The following PANK2 variants were observed in gnomAD, a reference collection of about 807,000 sequenced individuals.
PANK2 encodes pantothenate kinase 2, mitochondrial.
Under a neutral mutation model 43.1 loss-of-function variants are expected in PANK2, and 36 were observed. That is an observed-to-expected ratio of 0.84 (90% CI 0.64 to 1.10). The LOEUF is 1.10. Among genes scored for constraint, PANK2 ranks in the 50% least tolerant of loss-of-function variants. The pLI is 0.00. For missense variants in PANK2, 576 were observed against 593.3 expected, an observed-to-expected ratio of 0.97 and a Z score of 0.30; for synonymous variants, 281 against 238.2, an observed-to-expected ratio of 1.18 and a Z score of -1.66.
At chr20:3,906,334 G>A (rs2090386153) in intron 1 of PANK2, among the ~76,000 whole-genome samples, 1 of 152,118 alleles carries the variant, frequency 6.6e-6, no homozygotes, top group South Asian at 2.1e-4. Flanking sequence ...TGAGATAGGA[G>A]GATTACTTGA....
intron 6 of PANK2, among the ~76,000 whole-genome samples, chr20:3,922,736 G>T (rs1367702545): frequency 1.3e-5 from 2 of 151,964 alleles, no homozygotes; most frequent in African/African-American, 2.4e-5. Context: ...CTCTGTTAGG[G>T]GTGAATCTTG....
Position 3,926,646 on chromosome 20 carries a change from T to G in PANK2, c.*3352T>G, listed in dbSNP as rs1015667141. The G allele has an allele frequency of 2.0e-5, 3 of 152,464 alleles. No homozygotes were observed. Among genetic ancestry groups the G allele is most frequent in the Non-Finnish European group, 4.4e-5 (3 of 68,332 alleles). The allele number at this position is 152,464 out of a possible 1,614,324, so 9.4% of individuals were successfully genotyped here. On this transcript the variant is annotated 3_prime_UTR_variant, in exon 7 of 7. Transcript: ENST00000610179. ...TGGCCTGTGGAGGAAACAGGCTCAGTTCCACTACTTTGGCCAGGTGCAATG... is the reference window on the plus strand; with the variant it reads ...TGGCCTGTGGAGGAAACAGGCTCAGGTCCACTACTTTGGCCAGGTGCAATG...
chr20:3,908,618 T>C (rs2090424352), intron 2 of PANK2: 1 of 256,072 alleles, frequency 3.9e-6, no homozygotes, highest in South Asian at 4.9e-5. Flanking sequence ...TCATTTCATG[T>C]CATAAAATTG....
intron 1 of PANK2, among the ~76,000 whole-genome samples, chr20:3,901,796 T>G (rs1309348971): frequency 1.3e-5 from 2 of 152,084 alleles, no homozygotes; most frequent in Non-Finnish European, 2.9e-5. Context: ...CCCTTACATA[T>G]GTGAAAATTG....
chr20:3,917,522 C>T (rs766345821), intron 5 of PANK2: 2 of 534,582 alleles, frequency 3.7e-6, no homozygotes, highest in East Asian at 1.1e-4. Flanking sequence ...TACAGTGCTG[C>T]CTTGTAGCAT....
intron 6 of PANK2, among the ~76,000 whole-genome samples, chr20:3,922,439 G>A (rs1390964964): frequency 1.3e-5 from 2 of 152,174 alleles, no homozygotes; most frequent in Non-Finnish European, 2.9e-5. Context: ...GTCTCAGGAG[G>A]GCTGAGGGCT....
rs539486073 is a variant in PANK2, at chr20:3,907,644, G to T, written c.299-282G>T. ...GTTGAGGCTTACGAGTAGTCATCTT[G>T]TTATTTTTAAAACACTTCATAGTGC... On this transcript the variant is annotated intron_variant, in intron 1 of 6. Coordinates refer to ENST00000610179, the MANE Select transcript of PANK2 (RefSeq NM_001386393.1). Among the ~76,000 whole-genome samples the T allele has an allele frequency of 9.2e-5, 14 of 152,110 alleles. No homozygotes were observed. In the South Asian group the frequency reaches 1.7e-3, roughly 18 times the overall value.
chr20:3,910,774 G>T lies in PANK2; in HGVS notation c.849G>T (p.Gly283=), dbSNP rs760020220. Residue 283 remains glycine, a synonymous_variant, in exon 3 of 7, where the codon GGG becomes GGT. Coordinates refer to ENST00000610179, the MANE Select transcript of PANK2 (RefSeq NM_001386393.1). ...TGCTTCTGGTGAACATTGGCTCAGGGGTTAGCATCTTAGCAGTATATTCCA... is the reference window on the plus strand; with the variant it reads ...TGCTTCTGGTGAACATTGGCTCAGGTGTTAGCATCTTAGCAGTATATTCCA... The T allele has an allele frequency of 6.2e-7, 1 of 1,614,112 alleles. No individual in the cohort carries two copies.
chr20:3,902,972 G>GACACACACACACACACACACACACAC lies in PANK2; in HGVS notation c.299-4933_299-4908dup, dbSNP rs11468265. ...CCATGAGTTTCGACAGATGTGTATA[G>GACACACACACACACACACACACACAC]ACACACACACACACACACACACACA... On this transcript the variant is annotated intron_variant, in intron 1 of 6. Transcript: ENST00000610179. 9.5e-4 allele frequency among the ~76,000 whole-genome samples: 135 copies of GACACACACACACACACACACACACAC among 141,428 alleles called. 1 individual carries two copies. The highest frequency in any genetic ancestry group is 6.9e-3 in the Middle Eastern group (2 of 288). 92.8% of individuals were successfully genotyped at this position (141,428 alleles called of 152,430 possible).
chr20:3,912,351 A>G (rs1436754824), intron 3 of PANK2, 107 bp from the exon 4 acceptor site: 4 of 1,226,254 alleles, frequency 3.3e-6, no homozygotes, highest in Non-Finnish European at 4.8e-6. Flanking sequence ...TGGCATTTGC[A>G]TGATTGGGTT....
chr20:3,921,471 T>G (rs757619544), intron 6 of PANK2: 1 of 151,672 alleles, frequency 6.6e-6, no homozygotes, highest in Non-Finnish European at 1.5e-5. Flanking sequence ...TAGTCTTCAG[T>G]GGACCCCCCC....
chr20:3,896,645 A>G (rs986332729), intron 1 of PANK2, among the ~76,000 whole-genome samples: 1 of 152,064 alleles, frequency 6.6e-6, no homozygotes, highest in East Asian at 1.9e-4. Flanking sequence ...ACCAGTGGAC[A>G]GTGATTTAAT....
chr20:3,919,481 T>C lies in PANK2; in HGVS notation c.1332+685T>C, dbSNP rs375010242. 1.2e-4 allele frequency among the ~76,000 whole-genome samples: 18 copies of C among 152,320 alleles called. No homozygotes were observed. The South Asian group carries it at 3.3e-3, about 28-fold the overall frequency. On this transcript the variant is annotated intron_variant, in intron 6 of 6. Transcript: ENST00000610179. ...ATTGTTGTAATTCTTGTGCCAGTTA[T>C]TTAAGATGCATGTTGTAAAAATGAA...
At chr20:3,912,157 G>A (rs959972958) in intron 3 of PANK2, among the ~76,000 whole-genome samples, 1 of 152,164 alleles carries the variant, frequency 6.6e-6, no homozygotes, top group Non-Finnish European at 1.5e-5. Context: ...GGGAGGAGGT[G>A]TTAGCATGGC....
At chr20:3,898,325 G>T (rs1004890126) in intron 1 of PANK2, among the ~76,000 whole-genome samples, 48 of 152,084 alleles carry the variant, frequency 3.2e-4, no homozygotes, top group Admixed American at 1.1e-3. Flanking sequence ...TCAGCCTCCT[G>T]ATTATCTGGG....
At position 3,925,255 on chromosome 20, in the gene PANK2, G is replaced by A. The variant is rs1349971928; in HGVS notation, c.*1961G>A. 6.6e-6 allele frequency: 1 copy of A among 152,454 alleles called. No individual in the cohort carries two copies. The allele number at this position is 152,454 out of a possible 1,614,324, so 9.4% of individuals were successfully genotyped here. On this transcript the variant is annotated 3_prime_UTR_variant, in exon 7 of 7. Coordinates refer to ENST00000610179, the MANE Select transcript of PANK2 (RefSeq NM_001386393.1). Reference sequence around the variant, plus strand: ...CCTGTCACTCCACAGCAGGGTTTTTGAGACAGTCTCGCTGTGTCACCCAGG... The same window carrying A: ...CCTGTCACTCCACAGCAGGGTTTTTAAGACAGTCTCGCTGTGTCACCCAGG...
chr20:3,918,543 C>T lies in PANK2; in HGVS notation c.1207-128C>T, dbSNP rs2090598283. The T allele has an allele frequency of 7.7e-6, 10 of 1,300,744 alleles. No homozygotes were observed. In the South Asian group the frequency reaches 1.2e-4, roughly 16 times the overall value. The allele number at this position is 1,300,744 out of a possible 1,614,324, so 80.6% of individuals were successfully genotyped here. A position where few individuals can be genotyped will look rare whatever the true frequency, so the allele number is the denominator to read the frequency against. On this transcript the variant is annotated intron_variant, in intron 5 of 6. Coordinates refer to ENST00000610179, the MANE Select transcript of PANK2 (RefSeq NM_001386393.1). ...TCAAGTTTAAGTAGCCCTGGACCAA[C>T]TGGACTAAATTTGATCAGCAGTCAA...
intron 1 of PANK2, among the ~76,000 whole-genome samples, chr20:3,891,772 GA>G (rs1259402832): frequency 1.3e-5 from 2 of 152,158 alleles, no homozygotes; most frequent in Admixed American, 1.3e-4. Context: ...ACCACACTCA[GA>G]AAAACCGGTT....
intron 4 of PANK2, among the ~76,000 whole-genome samples, 173 bp from the exon 5 acceptor site, chr20:3,916,754 T>C (rs561484676): frequency 1.3e-5 from 2 of 152,366 alleles, no homozygotes; most frequent in African/African-American, 4.8e-5. Flanking sequence ...TGGAGGGCTC[T>C]GTTTGAAGTT....
Sources: gnomAD v4.1 joint callset for allele counts (sites outside exome capture counted in the v4.1 genomes callset) on GRCh38, gnomAD v4.1.1 for gene constraint, MANE v1.5 for transcripts, NCBI Gene and HGNC (gene_info 2026-07-23, HGNC 2026-07-21) for gene names.